The following FNDC3A variants were observed in gnomAD, a reference collection of about 807,000 sequenced individuals.
FNDC3A encodes fibronectin type-III domain-containing protein 3A.
FNDC3A carries 32 observed loss-of-function variants against 148.9 expected under a neutral mutation model. That is an observed-to-expected ratio of 0.21 (90% CI 0.16 to 0.29). The LOEUF is 0.29. Ranked by LOEUF, FNDC3A falls within the 10% of genes least tolerant of loss-of-function variation. The pLI is 1.00. For missense variants in FNDC3A, 1,191 were observed against 1,452.8 expected, an observed-to-expected ratio of 0.82 and a Z score of 2.93; for synonymous variants, 472 against 473.6, an observed-to-expected ratio of 1.00 and a Z score of 0.04.
intron 4 of FNDC3A, among the ~76,000 whole-genome samples, chr13:49,126,142 T>A (rs996917047): frequency 1.3e-5 from 2 of 152,212 alleles, no homozygotes; most frequent in Non-Finnish European, 2.9e-5. Context: ...CAAATAGTTT[T>A]GAAGTCTGTT....
At chr13:49,052,567 G>A (rs10220017) in intron 2 of FNDC3A, among the ~76,000 whole-genome samples, 11 of 152,176 alleles carry the variant, frequency 7.2e-5, no homozygotes, top group African/African-American at 2.4e-4. Context: ...CACCTGCTCC[G>A]TTGGAGGTAA....
At chr13:49,041,374 G>A (rs570657352) in intron 2 of FNDC3A, among the ~76,000 whole-genome samples, 1 of 152,016 alleles carries the variant, frequency 6.6e-6, no homozygotes, top group Admixed American at 6.6e-5. Context: ...TGTCTATTTT[G>A]TTTACTACTC....
At chr13:49,094,677 A>T (rs1879409883) in intron 3 of FNDC3A, among the ~76,000 whole-genome samples, 1 of 152,098 alleles carries the variant, frequency 6.6e-6, no homozygotes, top group Non-Finnish European at 1.5e-5. Flanking sequence ...GAATTCGATG[A>T]AGTGAGAGAA....
chr13:49,046,905 T>C (rs973817218), intron 2 of FNDC3A: 1 of 152,168 alleles, frequency 6.6e-6, no homozygotes. Context: ...TTTGCTTACA[T>C]GAATACGTTC....
chr13:49,041,411 CACGTT>C (rs749762501), intron 2 of FNDC3A, among the ~76,000 whole-genome samples: 7 of 152,198 alleles, frequency 4.6e-5, no homozygotes, highest in Non-Finnish European at 1.0e-4. Flanking sequence ...CACAAAACCT[CACGTT>C]ACAAGACCTT....
chr13:48,983,764 C>T (rs1374982069), intron 1 of FNDC3A, among the ~76,000 whole-genome samples: 4 of 152,070 alleles, frequency 2.6e-5, no homozygotes, highest in Admixed American at 6.6e-5. Flanking sequence ...CATCTCTCTG[C>T]GGTAGATACT....
chr13:49,127,811 A>G (rs1881791432), intron 4 of FNDC3A, among the ~76,000 whole-genome samples: 1 of 152,160 alleles, frequency 6.6e-6, no homozygotes, highest in African/African-American at 2.4e-5. Context: ...TTGATGGAAG[A>G]CTATTGTTCC....
intron 1 of FNDC3A, among the ~76,000 whole-genome samples, chr13:48,979,016 G>T (rs1027357453): frequency 1.4e-4 from 21 of 151,866 alleles, no homozygotes; most frequent in African/African-American, 4.8e-4. Flanking sequence ...TTGTGGTTTT[G>T]CTTGTCTTTA....
chr13:49,050,338 T>A (rs533029685), intron 2 of FNDC3A, among the ~76,000 whole-genome samples: 1 of 152,342 alleles, frequency 6.6e-6, no homozygotes, highest in Admixed American at 6.5e-5. Flanking sequence ...TGATAGGTTG[T>A]GTCACTATTA....
Position 49,027,516 on chromosome 13 carries a change from A to G in FNDC3A, c.99+21227A>G, listed in dbSNP as rs183798457. Reference sequence around the variant, plus strand: ...GATTTGCAGAAAGCAATAATTATACACTGTTGGTTGGCTTATAAGGTATAA... The same window carrying G: ...GATTTGCAGAAAGCAATAATTATACGCTGTTGGTTGGCTTATAAGGTATAA... On this transcript the variant is annotated intron_variant, in intron 2 of 25. Coordinates refer to ENST00000492622, the MANE Select transcript of FNDC3A (RefSeq NM_001079673.2). Among the ~76,000 whole-genome samples the G allele has an allele frequency of 2.0e-3, 304 of 152,312 alleles. 1 individual carries two copies. Among genetic ancestry groups the G allele is most frequent in the Admixed American group, 4.6e-3 (71 of 15,296 alleles).
At chr13:49,098,799 C>G (rs952576619) in intron 3 of FNDC3A, among the ~76,000 whole-genome samples, 8 of 151,922 alleles carry the variant, frequency 5.3e-5, no homozygotes, top group African/African-American at 1.9e-4. Flanking sequence ...ATACTTAGGC[C>G]CCTAATTTAA....
intron 3 of FNDC3A, chr13:49,110,343 T>C (rs2137863456): frequency 6.2e-7 from 1 of 1,609,512 alleles, no homozygotes. Flanking sequence ...TGTTAACGTG[T>C]ACTACGCTGT....
intron 2 of FNDC3A, among the ~76,000 whole-genome samples, chr13:49,037,176 A>G (rs985825139): frequency 1.4e-4 from 21 of 152,202 alleles, no homozygotes; most frequent in African/African-American, 4.8e-4. Flanking sequence ...AAATAATACT[A>G]CTAAGAGCTA....
intron 8 of FNDC3A, among the ~76,000 whole-genome samples, chr13:49,165,914 G>C (rs1048798634): frequency 1.1e-4 from 17 of 152,068 alleles, no homozygotes; most frequent in Non-Finnish European, 2.4e-4. Context: ...TCAATCTCAG[G>C]CCACCAGGAG....
intron 2 of FNDC3A, among the ~76,000 whole-genome samples, chr13:49,056,232 G>C (rs1876232018): frequency 6.6e-6 from 1 of 151,630 alleles, no homozygotes; most frequent in African/African-American, 2.4e-5. Flanking sequence ...ACACTAGGCT[G>C]GTCTCAAACT....
intron 8 of FNDC3A, among the ~76,000 whole-genome samples, chr13:49,156,786 G>C (rs1328926977): frequency 1.8e-5 from 2 of 112,902 alleles, no homozygotes; most frequent in African/African-American, 3.5e-5. Flanking sequence ...ATGAAGCTTA[G>C]TTTGGCTGGA....
At chr13:49,043,615 T>G (rs776234228) in intron 2 of FNDC3A, among the ~76,000 whole-genome samples, 1 of 152,228 alleles carries the variant, frequency 6.6e-6, no homozygotes, top group Non-Finnish European at 1.5e-5. Flanking sequence ...CCTTGTAATT[T>G]TTTTAATTCA....
intron 2 of FNDC3A, among the ~76,000 whole-genome samples, chr13:49,072,652 A>T (rs1877775082): frequency 1.3e-5 from 2 of 152,184 alleles, no homozygotes; most frequent in South Asian, 4.1e-4. Context: ...TAAAAATAAT[A>T]ATTATTATTT....
chr13:49,160,037 T>A (rs986717314), intron 8 of FNDC3A, among the ~76,000 whole-genome samples: 7 of 152,222 alleles, frequency 4.6e-5, no homozygotes, highest in Admixed American at 2.0e-4. Flanking sequence ...TTATTGAGGA[T>A]TTTCACATCG....
Sources: gnomAD v4.1 joint callset for allele counts (sites outside exome capture counted in the v4.1 genomes callset) on GRCh38, gnomAD v4.1.1 for gene constraint, MANE v1.5 for transcripts, NCBI Gene and HGNC (gene_info 2026-07-23, HGNC 2026-07-21) for gene names.